TTLL7: variants seen among roughly 807,000 people sequenced by gnomAD.
The protein encoded by TTLL7 is tubulin polyglutamylase TTLL7.
TTLL7 carries 53 observed loss-of-function variants against 120.2 expected under a neutral mutation model. That is an observed-to-expected ratio of 0.44 (90% confidence interval 0.35 to 0.55). The LOEUF is 0.55. Among genes scored for constraint, TTLL7 ranks in the 20% least tolerant of loss-of-function variants. The pLI, the probability that TTLL7 is intolerant of heterozygous loss-of-function variation, is 0.00. For missense variants in TTLL7, 803 were observed against 1,054.7 expected, an observed-to-expected ratio of 0.76 and a Z score of 3.31; for synonymous variants, 353 against 351.7, an observed-to-expected ratio of 1.00 and a Z score of -0.04.
chr1:83,962,862 C>T (rs1233818792), intron 1 of TTLL7, among the ~76,000 whole-genome samples: 1 of 152,124 alleles, frequency 6.6e-6, no homozygotes, highest in Admixed American at 6.6e-5. Context: ...GACCACCTAG[C>T]TCCAGAGAAA....
chr1:83,871,263 A>C (rs1653366601), intron 20 of TTLL7, among the ~76,000 whole-genome samples: 1 of 151,946 alleles, frequency 6.6e-6, no homozygotes, highest in African/African-American at 2.4e-5. Context: ...TTTTGTTTTC[A>C]ACTTTTCAAA....
chr1:83,952,052 C>T, intron 2 of TTLL7, 76 bp from the exon 3 acceptor site: 5 of 1,516,010 alleles, frequency 3.3e-6, no homozygotes, highest in South Asian at 1.2e-5. Flanking sequence ...ACCACCCCCA[C>T]CCCACACCAA....
chr1:83,904,557 T>C (rs535648148), intron 17 of TTLL7, among the ~76,000 whole-genome samples: 1 of 152,112 alleles, frequency 6.6e-6, no homozygotes, highest in East Asian at 2.0e-4. Context: ...ATCACTTGAA[T>C]CCAGGAGGTG....
Position 83,942,973 on chromosome 1 carries a change from G to A in TTLL7, c.507-294C>T, listed in dbSNP as rs567946196. Among the ~76,000 whole-genome samples the A allele has an allele frequency of 4.6e-5, 7 of 152,244 alleles. No individual in the cohort carries two copies. In the South Asian group the frequency reaches 1.5e-3, roughly 32 times the overall value. On this transcript the variant is annotated intron_variant, in intron 6 of 20. Transcript: ENST00000260505. ...AGTCTCGCCATCCACTCCCAGCTCA[G>A]CAGCAGCCTTGAAGAGCCTCATTTT...
chr1:83,979,266 A>G (rs11163880), intron 1 of TTLL7: 3,669 of 152,284 alleles, frequency 0.024, 73 homozygotes, highest in African/African-American at 0.053. Flanking sequence ...ATGTTGACTG[A>G]CTGGGGATGA....
At chr1:83,972,704 GCTCTT>G (rs1651101132) in intron 1 of TTLL7, among the ~76,000 whole-genome samples, 1 of 152,082 alleles carries the variant, frequency 6.6e-6, no homozygotes, top group Non-Finnish European at 1.5e-5. Context: ...ATGAATGAGA[GCTCTT>G]CTTTCTCCGT....
intron 20 of TTLL7, among the ~76,000 whole-genome samples, chr1:83,877,040 T>A (rs1330544372): frequency 1.3e-5 from 2 of 152,018 alleles, no homozygotes; most frequent in Non-Finnish European, 2.9e-5. Flanking sequence ...TTCTTAGTTA[T>A]CCTCATCAAA....
chr1:83,903,137 C>T (rs1288223745), intron 18 of TTLL7, among the ~76,000 whole-genome samples: 1 of 152,012 alleles, frequency 6.6e-6, no homozygotes, highest in Non-Finnish European at 1.5e-5. Flanking sequence ...CAGTATCTTT[C>T]CATAGCCTAC....
intron 14 of TTLL7, among the ~76,000 whole-genome samples, chr1:83,916,459 G>A (rs1319434720): frequency 6.7e-6 from 1 of 148,648 alleles, no homozygotes; most frequent in Admixed American, 6.7e-5. Flanking sequence ...CATGGACACA[G>A]GAAGGGGAAC....
chr1:83,938,672 T>C (rs1647646184), intron 7 of TTLL7, among the ~76,000 whole-genome samples: 1 of 152,166 alleles, frequency 6.6e-6, no homozygotes. Flanking sequence ...TGATCTTACA[T>C]TTGTTGATAC....
At chr1:83,949,009 C>A in intron 4 of TTLL7, 1 of 199,984 alleles carries the variant, frequency 5.0e-6, no homozygotes, top group Non-Finnish European at 1.0e-5. Context: ...TCACTATATT[C>A]ACAGACATAA....
At chr1:83,919,547 A>G (rs1658472449) in intron 13 of TTLL7, 152 bp downstream of exon 13, 1 of 663,702 alleles carries the variant, frequency 1.5e-6, no homozygotes, top group Admixed American at 3.6e-5. Flanking sequence ...TTGGTTCATC[A>G]TGAAATGTTA....
intron 1 of TTLL7, among the ~76,000 whole-genome samples, chr1:83,966,364 T>C (rs887424262): frequency 1.3e-5 from 2 of 151,058 alleles, no homozygotes; most frequent in Admixed American, 1.3e-4. Context: ...CTTCCCTCTG[T>C]CTCTCTGTCT....
At chr1:83,953,621 G>A (rs1053933457) in intron 1 of TTLL7, among the ~76,000 whole-genome samples, 1 of 152,034 alleles carries the variant, frequency 6.6e-6, no homozygotes, top group African/African-American at 2.4e-5. Context: ...ATTTTATTAA[G>A]CATTTTAAAT....
At chr1:83,948,569 C>A (rs1648734508) in intron 5 of TTLL7, 59 bp downstream of exon 5, 1 of 1,079,108 alleles carries the variant, frequency 9.3e-7, no homozygotes, top group Non-Finnish European at 1.4e-6. Flanking sequence ...GATAGCACTA[C>A]AGTAGTTATG....
intron 13 of TTLL7, among the ~76,000 whole-genome samples, chr1:83,919,336 GA>G (rs1414773492): frequency 1.3e-5 from 2 of 151,198 alleles, no homozygotes; most frequent in East Asian, 3.9e-4. Context: ...ATAGCATCAA[GA>G]AAAAGTATTA....
At chr1:83,886,771 C>T (rs1655008485) in intron 19 of TTLL7, among the ~76,000 whole-genome samples, 1 of 151,588 alleles carries the variant, frequency 6.6e-6, no homozygotes, top group Non-Finnish European at 1.5e-5. Flanking sequence ...CCTCTCTTGG[C>T]TTTACCTCAC....
intron 18 of TTLL7, among the ~76,000 whole-genome samples, chr1:83,896,131 G>A (rs550002069): frequency 6.6e-6 from 1 of 152,202 alleles, no homozygotes; most frequent in South Asian, 2.1e-4. Context: ...TTGGATGGAA[G>A]ATGAATAATT....
At chr1:83,892,359 A>AATATATATACGAATATATATGT (rs1491343399) in intron 18 of TTLL7, among the ~76,000 whole-genome samples, 3 of 133,614 alleles carry the variant, frequency 2.2e-5, no homozygotes, top group African/African-American at 8.1e-5. Context: ...AATATATATG[A>AATATATATACGAATATATATGT]ATATATATAC....
Sources: allele counts gnomAD v4.1 joint callset (sites outside exome capture counted in the v4.1 genomes callset), GRCh38; gene constraint gnomAD v4.1.1; transcripts MANE v1.5; gene names NCBI Gene and HGNC (gene_info 2026-07-23, HGNC 2026-07-21).